Variants in FMN2 observed in about 807,000 individuals in gnomAD.
FMN2 encodes formin-2.
FMN2 carries 51 observed loss-of-function variants against 142.3 expected under a neutral mutation model. The ratio of observed to expected loss-of-function variants is 0.36; its 90% confidence interval spans 0.29 to 0.45. The LOEUF is 0.45. Ranked by LOEUF, FMN2 falls within the 20% of genes least tolerant of loss-of-function variation. The pLI, the probability that FMN2 is intolerant of heterozygous loss-of-function variation, is 1.00. For missense variants in FMN2, 1,936 were observed against 2,122.8 expected, an observed-to-expected ratio of 0.91 and a Z score of 1.73; for synonymous variants, 882 against 869.8, an observed-to-expected ratio of 1.01 and a Z score of -0.25.
At position 240,211,091 on chromosome 1, in the gene FMN2, A is replaced by C; in HGVS notation, c.3921A>C (p.Arg1307Ser). 1 of 1,597,124 alleles carries C rather than the reference A, an allele frequency of 6.3e-7. No individual in the cohort carries two copies. The highest frequency in any genetic ancestry group is 1.1e-5 in the South Asian group (1 of 87,024). The change falls in exon 6 of 18, where the codon AGA becomes AGC. Residue 1307 changes from arginine to serine, a missense_variant and splice_region_variant. Transcript: ENST00000319653. Reference protein sequence around the residue: ...YWTRIQLHSKRDSSTSLIWEK... With the variant: ...YWTRIQLHSKSDSSTSLIWEK... The stretch of plus-strand genomic sequence containing the variant: ...TTATTGTTCTTTTGCTTAATTTTAG[A>C]GACTCCAGTACTTCACTTATTTGGG...
chr1:240,101,673 G>A (rs548260955), intron 1 of FMN2, among the ~76,000 whole-genome samples: 1 of 151,470 alleles, frequency 6.6e-6, no homozygotes, highest in East Asian at 1.9e-4. Context: ...TTCCAGAATA[G>A]CTGGGACCAC....
intron 2 of FMN2, among the ~76,000 whole-genome samples, chr1:240,175,975 C>T (rs1018399833): frequency 6.6e-6 from 1 of 152,138 alleles, no homozygotes; most frequent in African/African-American, 2.4e-5. Flanking sequence ...GGTTGATTTG[C>T]AAATACTTCC....
intron 7 of FMN2, among the ~76,000 whole-genome samples, chr1:240,289,696 A>G (rs1279078959): frequency 6.6e-6 from 1 of 152,038 alleles, no homozygotes; most frequent in Non-Finnish European, 1.5e-5. Context: ...TCTCTCTAAA[A>G]AAAAGGGATT....
intron 16 of FMN2, among the ~76,000 whole-genome samples, chr1:240,454,226 C>G (rs914034655): frequency 1.2e-4 from 18 of 152,128 alleles, no homozygotes; most frequent in Admixed American, 9.2e-4. Context: ...CTCACTCTTG[C>G]TGAGCATCAT....
chr1:240,389,231 G>A (rs2103093856), intron 14 of FMN2, among the ~76,000 whole-genome samples: 1 of 152,258 alleles, frequency 6.6e-6, no homozygotes, highest in African/African-American at 2.4e-5. Context: ...AGTTACACTG[G>A]CTTTCAAAAC....
At chr1:240,131,446 C>T (rs113188649) in intron 2 of FMN2, among the ~76,000 whole-genome samples, 5 of 152,170 alleles carry the variant, frequency 3.3e-5, no homozygotes, top group South Asian at 2.1e-4. Flanking sequence ...GTGGCTCACA[C>T]GCCTGTAATC....
In FMN2 at chr1:240,200,727, T is replaced by C. The variant is rs147904638; in HGVS notation, c.1987-6072T>C. ...TAGGTCATAGGGAGAATGAAGATTC[T>C]AGCAGGTTGGTTTTTTGTTCTCTCT... On this transcript the variant is annotated intron_variant, in intron 4 of 17. Coordinates refer to ENST00000319653, the MANE Select transcript of FMN2 (RefSeq NM_020066.5). Among the ~76,000 whole-genome samples, 549 of 152,260 alleles carry C rather than the reference T, an allele frequency of 3.6e-3. 11 individuals carry two copies. Among genetic ancestry groups the C allele is most frequent in the African/African-American group, 0.013 (530 of 41,538 alleles).
intron 13 of FMN2, among the ~76,000 whole-genome samples, chr1:240,353,860 C>T (rs1672178849): frequency 6.6e-6 from 1 of 152,096 alleles, no homozygotes; most frequent in Non-Finnish European, 1.5e-5. Context: ...ACGCCTCATC[C>T]TGCTTGGAGA....
chr1:240,468,232 G>GCACACACACA (rs1676688456), intron 16 of FMN2, among the ~76,000 whole-genome samples: 2 of 100,820 alleles, frequency 2.0e-5, no homozygotes, highest in African/African-American at 1.0e-4. Flanking sequence ...GTGTGTGTGT[G>GCACACACACA]TATTCACACA....
At chr1:240,190,668 A>C (rs141028310) in intron 4 of FMN2, among the ~76,000 whole-genome samples, 1 of 152,344 alleles carries the variant, frequency 6.6e-6, no homozygotes, top group African/African-American at 2.4e-5. Flanking sequence ...GTTTGATTTT[A>C]TACTTATACT....
At chr1:240,375,706 T>A (rs988740696) in intron 14 of FMN2, among the ~76,000 whole-genome samples, 1 of 152,198 alleles carries the variant, frequency 6.6e-6, no homozygotes, top group Admixed American at 6.5e-5. Context: ...GTTTCTCAAT[T>A]GATATGTCTG....
chr1:240,313,171 G>A (rs4457561), intron 8 of FMN2, among the ~76,000 whole-genome samples: 56,131 of 152,030 alleles, frequency 0.37, 12,682 homozygotes, highest in African/African-American at 0.65. Context: ...ACGATGAGTC[G>A]TCCTGGATGG....
intron 14 of FMN2, among the ~76,000 whole-genome samples, chr1:240,376,663 A>G (rs905116201): frequency 1.3e-5 from 2 of 152,164 alleles, no homozygotes; most frequent in African/African-American, 2.4e-5. Context: ...TAAAGTATAT[A>G]TGAGGATGTG....
chr1:240,150,697 G>T (rs1447404664), intron 2 of FMN2, among the ~76,000 whole-genome samples: 1 of 152,130 alleles, frequency 6.6e-6, no homozygotes, highest in Non-Finnish European at 1.5e-5. Flanking sequence ...GAGCTTTGCT[G>T]AGGGTTTTAC....
chr1:240,200,289 G>GATAATTACTAATATCTGCC (rs1666077209), intron 4 of FMN2, among the ~76,000 whole-genome samples: 1 of 152,118 alleles, frequency 6.6e-6, no homozygotes, highest in Non-Finnish European at 1.5e-5. Flanking sequence ...CCTTTTTCCT[G>GATAATTACTAATATCTGCC]ATAATTACTA....
intron 15 of FMN2, among the ~76,000 whole-genome samples, chr1:240,427,171 T>TTATATATATA (rs34534422): frequency 7.3e-6 from 1 of 136,892 alleles, no homozygotes; most frequent in East Asian, 2.0e-4. Context: ...ACAACTGATT[T>TTATATATATA]TATATATATA....
At chr1:240,256,081 C>T (rs1321305169) in intron 6 of FMN2, among the ~76,000 whole-genome samples, 1 of 152,068 alleles carries the variant, frequency 6.6e-6, no homozygotes, top group Non-Finnish European at 1.5e-5. Context: ...TGAAACATGC[C>T]TATTGCATTG....
At chr1:240,337,032 A>C (rs943763751) in intron 13 of FMN2, among the ~76,000 whole-genome samples, 23 of 152,118 alleles carry the variant, frequency 1.5e-4, no homozygotes, top group African/African-American at 5.1e-4. Context: ...ACAACGCATG[A>C]AATCTGCCTC....
intron 15 of FMN2, 63 bp from the exon 16 acceptor site, chr1:240,437,998 A>C: frequency 6.4e-7 from 1 of 1,552,518 alleles, no homozygotes; most frequent in Non-Finnish European, 8.7e-7. Flanking sequence ...GGATAGAGAA[A>C]GAATATCCCA....
Sources: gnomAD v4.1 joint callset for allele counts (sites outside exome capture counted in the v4.1 genomes callset) on GRCh38, gnomAD v4.1.1 for gene constraint, MANE v1.5 for transcripts, NCBI Gene and HGNC (gene_info 2026-07-23, HGNC 2026-07-21) for gene names.